SLC35D2: variants seen among roughly 807,000 people sequenced by gnomAD.
SLC35D2 encodes the protein nucleotide sugar transporter SLC35D2.
In SLC35D2, 43 loss-of-function variants were observed where a neutral mutation model predicts 41.8. The ratio of observed to expected loss-of-function variants is 1.03; its 90% CI spans 0.81 to 1.33. SLC35D2 has a LOEUF of 1.33. Among genes scored for constraint, SLC35D2 ranks in the 40% most tolerant of loss-of-function variants. The pLI is 0.00. For missense variants in SLC35D2, 380 were observed against 408.4 expected (o/e 0.93, Z 0.60); for synonymous variants, 150 against 163.9 (o/e 0.92, Z 0.65).
intron 4 of SLC35D2, among the ~76,000 whole-genome samples, chr9:96,358,107 T>TAC (rs34537050): frequency 7.2e-6 from 1 of 138,506 alleles, no homozygotes; most frequent in East Asian, 2.1e-4. Flanking sequence ...TATATATATA[T>TAC]ACCTGCAATG....
At chr9:96,382,676 T>G (rs1831255512) in intron 1 of SLC35D2, among the ~76,000 whole-genome samples, 1 of 152,088 alleles carries the variant, frequency 6.6e-6, no homozygotes, top group Non-Finnish European at 1.5e-5. Flanking sequence ...ACTCTCTAAC[T>G]AAGACACTCT....
At chr9:96,317,623 T>C (rs1453827924), downstream of SLC35D2, among the ~76,000 whole-genome samples, 1 of 152,182 alleles carries the variant, frequency 6.6e-6, no homozygotes, top group East Asian at 1.9e-4. Context: ...TTAAAGATTT[T>C]TTTAAAAAAT....
intron 1 of SLC35D2, among the ~76,000 whole-genome samples, chr9:96,374,288 C>T (rs1830837924): frequency 6.6e-6 from 1 of 152,168 alleles, no homozygotes; most frequent in Non-Finnish European, 1.5e-5. Context: ...GTAATCCCAG[C>T]ACTTTGGGAG....
intron 2 of SLC35D2, among the ~76,000 whole-genome samples, chr9:96,366,477 T>C (rs1391827029): frequency 2.6e-5 from 4 of 151,946 alleles, no homozygotes; most frequent in Admixed American, 6.6e-5. Flanking sequence ...GAGTAATGAA[T>C]TTATTTCACT....
rs1280963166 is a variant in SLC35D2, at chr9:96,321,280, C to A, written c.976G>T (p.Val326Leu). ...TLSSQLKPKP[V>L]GEENICLDLK... ...TCCAAACAGATGTTTTCTTCACCCA[C>A]AGGTTTAGGTTTTAACTGGCTGCTC... Residue 326 changes from valine to leucine, a missense_variant, in exon 12 of 12, where the codon GTG (valine) becomes TTG (leucine). Coordinates refer to ENST00000253270, the MANE Select transcript of SLC35D2 (RefSeq NM_007001.3). 6.2e-7 allele frequency: 1 copy of A among 1,613,838 alleles called. No homozygotes were observed. Among genetic ancestry groups the A allele is most frequent in the Non-Finnish European group, 8.5e-7 (1 of 1,179,930 alleles).
intron 1 of SLC35D2, among the ~76,000 whole-genome samples, chr9:96,368,850 C>T (rs1350931106): frequency 6.6e-6 from 1 of 151,876 alleles, no homozygotes; most frequent in East Asian, 1.9e-4. Context: ...CTGCAACCTC[C>T]ACCTCCTGGG....
intron 11 of SLC35D2, 82 bp from the exon 12 acceptor site, chr9:96,321,423 T>C: frequency 1.2e-6 from 1 of 866,494 alleles, no homozygotes; most frequent in Non-Finnish European, 1.9e-6. Context: ...TTTTTATCAA[T>C]ACACCTGCTT....
chr9:96,317,094 C>T (rs1426315661), downstream of SLC35D2, among the ~76,000 whole-genome samples: 2 of 150,830 alleles, frequency 1.3e-5, no homozygotes, highest in African/African-American at 2.4e-5. Context: ...GCCGAGATCG[C>T]GCCACTGCAT....
At chr9:96,372,019 C>T (rs1249633860) in intron 1 of SLC35D2, among the ~76,000 whole-genome samples, 1 of 152,156 alleles carries the variant, frequency 6.6e-6, no homozygotes, top group Non-Finnish European at 1.5e-5. Flanking sequence ...AGCCACCGCG[C>T]CCAGCCTGGT....
chr9:96,333,053 C>A (rs556429616), intron 9 of SLC35D2, among the ~76,000 whole-genome samples: 1 of 150,668 alleles, frequency 6.6e-6, no homozygotes, highest in Admixed American at 6.6e-5. Context: ...CACATGCCAC[C>A]AGGCCCAGCT....
At chr9:96,314,120 G>A (rs1301964762) in exon 12 of SLC35D2, 2 of 152,288 alleles carry the variant, frequency 1.3e-5, no homozygotes, top group Non-Finnish European at 2.9e-5. Flanking sequence ...GTGTAATGGT[G>A]TGTCCCTGTG....
At chr9:96,322,923 T>C (rs962956625) in intron 10 of SLC35D2, among the ~76,000 whole-genome samples, 4 of 152,094 alleles carry the variant, frequency 2.6e-5, no homozygotes, top group African/African-American at 9.7e-5. Flanking sequence ...TTCGCCATAC[T>C]GGCCAGGCTG....
intron 4 of SLC35D2, among the ~76,000 whole-genome samples, chr9:96,358,078 T>TAATATATATATATATATATATATATA (rs1491320526): frequency 1.3e-5 from 1 of 79,258 alleles, no homozygotes; most frequent in South Asian, 3.4e-4. Flanking sequence ...ATATTATATA[T>TAATATATATATATATATATATATATA]TTTATATATA....
chr9:96,358,367 A>C (rs1242190547), intron 4 of SLC35D2, among the ~76,000 whole-genome samples: 1 of 151,956 alleles, frequency 6.6e-6, no homozygotes, highest in African/African-American at 2.4e-5. Flanking sequence ...CAAAACCAGA[A>C]GTATAATCCA....
chr9:96,337,127 C>T (rs1182677233), intron 8 of SLC35D2, among the ~76,000 whole-genome samples: 1 of 152,228 alleles, frequency 6.6e-6, no homozygotes, highest in Admixed American at 6.5e-5. Context: ...TGACTTTATA[C>T]ACCTTTACTA....
intron 6 of SLC35D2, chr9:96,350,603 T>G (rs13295788): frequency 0.026 from 4,006 of 153,226 alleles, 78 homozygotes; most frequent in Middle Eastern, 0.054. Context: ...GTCCTCGTTA[T>G]TCCTTTTGCA....
intron 1 of SLC35D2, among the ~76,000 whole-genome samples, chr9:96,379,897 C>G (rs1478850972): frequency 6.8e-6 from 1 of 145,988 alleles, no homozygotes; most frequent in Admixed American, 6.8e-5. Context: ...AAGGCTAGAG[C>G]CTTTTTTTTT....
At chr9:96,358,497 A>G (rs1178211127) in intron 4 of SLC35D2, among the ~76,000 whole-genome samples, 3 of 152,208 alleles carry the variant, frequency 2.0e-5, no homozygotes, top group Non-Finnish European at 4.4e-5. Flanking sequence ...TGCAAAACAC[A>G]TATTTGATAA....
intron 1 of SLC35D2, among the ~76,000 whole-genome samples, chr9:96,372,412 A>G (rs1418924858): frequency 1.3e-5 from 2 of 151,998 alleles, no homozygotes; most frequent in East Asian, 3.9e-4. Context: ...ATGAGCCTTG[A>G]TTGGATCATA....
Sources: allele counts gnomAD v4.1 joint callset (sites outside exome capture counted in the v4.1 genomes callset), GRCh38; gene constraint gnomAD v4.1.1; transcripts MANE v1.5; gene names NCBI Gene and HGNC (gene_info 2026-07-23, HGNC 2026-07-21).